Variants in SLC9B2 observed in about 807,000 individuals in gnomAD.
SLC9B2 encodes sodium/hydrogen exchanger 9B2.
A neutral mutation model predicts 52.2 loss-of-function variants in SLC9B2; 39 were observed. The observed-to-expected ratio is 0.75, with a 90% confidence interval of 0.58 to 0.98. SLC9B2 has a LOEUF of 0.98. Ranked by LOEUF, SLC9B2 falls within the 50% of genes least tolerant of loss-of-function variation. The pLI is 0.00. For synonymous variants in SLC9B2, 214 were observed against 227.0 expected (o/e 0.94, Z 0.51); for missense variants, 626 against 637.5 (o/e 0.98, Z 0.19).
At chr4:103,056,451 T>A (rs1277433449) in intron 4 of SLC9B2, among the ~76,000 whole-genome samples, 2 of 152,084 alleles carry the variant, frequency 1.3e-5, no homozygotes, top group Non-Finnish European at 2.9e-5. Flanking sequence ...TTTCACCATG[T>A]TGGCCAGGCT....
chr4:103,055,350 G>T (rs1202906637), intron 4 of SLC9B2, among the ~76,000 whole-genome samples: 1 of 152,042 alleles, frequency 6.6e-6, no homozygotes, highest in African/African-American at 2.4e-5. Flanking sequence ...TAACTAACCT[G>T]CACGTTGTGC....
At chr4:103,022,157 T>A (rs1156415542), downstream of SLC9B2, among the ~76,000 whole-genome samples, 1 of 152,228 alleles carries the variant, frequency 6.6e-6, no homozygotes, top group African/African-American at 2.4e-5. Context: ...TGTTCATCAC[T>A]GTATTCCCTA....
chr4:103,072,985 T>C lies in SLC9B2; in HGVS notation c.-43+3199A>G, dbSNP rs1378565571. Among the ~76,000 whole-genome samples, 35 of 151,960 alleles carry C rather than the reference T, an allele frequency of 2.3e-4. 1 individual carries two copies. Among genetic ancestry groups the C allele is most frequent in the Admixed American group, 2.3e-3 (35 of 15,264 alleles). On this transcript the variant is annotated intron_variant, in intron 1 of 11. Transcript: ENST00000394785. Reference sequence around the variant, plus strand: ...GAGCAGCCTAGTCCCTTTGGCTCTTTCCCTTCCACCATCTGAGAACACAGC... The same window carrying C: ...GAGCAGCCTAGTCCCTTTGGCTCTTCCCCTTCCACCATCTGAGAACACAGC...
chr4:103,054,305 A>G (rs1744940233), intron 4 of SLC9B2, among the ~76,000 whole-genome samples: 1 of 152,168 alleles, frequency 6.6e-6, no homozygotes, highest in East Asian at 1.9e-4. Context: ...ACAACCAATG[A>G]GAGATTCTTA....
chr4:103,047,793 A>G (rs987262760), intron 6 of SLC9B2, among the ~76,000 whole-genome samples: 2 of 152,086 alleles, frequency 1.3e-5, no homozygotes, highest in African/African-American at 4.8e-5. Context: ...CCAGTCTATC[A>G]TTGACAACTA....
intron 1 of SLC9B2, 69 bp from the exon 2 acceptor site, chr4:103,067,661 T>C (rs1383071175): frequency 4.5e-5 from 39 of 861,080 alleles, no homozygotes; most frequent in Non-Finnish European, 2.8e-5. Context: ...CTTTGGATTG[T>C]ACTTATTTTT....
intron 3 of SLC9B2, among the ~76,000 whole-genome samples, chr4:103,060,112 A>C (rs938295568): frequency 6.6e-6 from 1 of 151,632 alleles, no homozygotes; most frequent in Non-Finnish European, 1.5e-5. Flanking sequence ...TGTTTTGCTT[A>C]AGATTTATGT....
At chr4:103,049,254 T>C (rs1315035489) in intron 5 of SLC9B2, among the ~76,000 whole-genome samples, 1 of 152,232 alleles carries the variant, frequency 6.6e-6, no homozygotes, top group South Asian at 2.1e-4. Flanking sequence ...TATTTTTAGA[T>C]GTCCTCATCT....
chr4:103,051,042 T>G lies in SLC9B2; in HGVS notation c.443-660A>C, dbSNP rs546163621. On this transcript the variant is annotated intron_variant, in intron 4 of 11. Transcript: ENST00000394785. The stretch of plus-strand genomic sequence containing the variant: ...AGACAAACGGACAATACCAATTTTA[T>G]GAAGGCATGAGGGGGATGTTACATG... Among the ~76,000 whole-genome samples the G allele has an allele frequency of 6.0e-4, 92 of 152,132 alleles. 1 individual carries two copies. The highest frequency in any genetic ancestry group is 2.1e-3 in the African/African-American group (89 of 41,494).
chr4:103,031,855 CA>C, intron 9 of SLC9B2, 47 bp from the exon 10 acceptor site: 1 of 1,542,642 alleles, frequency 6.5e-7, no homozygotes. Flanking sequence ...TGTGAAGTTA[CA>C]AATGCAAAGA....
At chr4:103,072,053 C>CTTTTTTTTTTTTTTTTTT (rs1578487717) in intron 1 of SLC9B2, among the ~76,000 whole-genome samples, 1 of 71,230 alleles carries the variant, frequency 1.4e-5, no homozygotes, top group African/African-American at 7.5e-5. Context: ...GTTTGGCTTT[C>CTTTTTTTTTTTTTTTTTT]ATGTTTTTTT....
At chr4:103,055,995 G>A (rs184410505) in intron 4 of SLC9B2, among the ~76,000 whole-genome samples, 4 of 151,808 alleles carry the variant, frequency 2.6e-5, no homozygotes, top group Non-Finnish European at 5.9e-5. Context: ...TAGTAGAGAC[G>A]GGATTTTACC....
intron 3 of SLC9B2, among the ~76,000 whole-genome samples, chr4:103,062,614 AT>A (rs1295989790): frequency 6.6e-6 from 1 of 151,918 alleles, no homozygotes; most frequent in Non-Finnish European, 1.5e-5. Flanking sequence ...CACATGTAAG[AT>A]TTACTTTTTT....
At chr4:103,077,112 T>G (rs1313877174), upstream of SLC9B2, 1 of 152,248 alleles carries the variant, frequency 6.6e-6, no homozygotes, top group African/African-American at 2.4e-5. Context: ...TCTCTGTATT[T>G]CCTCTTGTGT....
chr4:103,074,932 T>C (rs1746978433), intron 1 of SLC9B2, among the ~76,000 whole-genome samples: 1 of 152,224 alleles, frequency 6.6e-6, no homozygotes. Context: ...GATTCATTCA[T>C]TCATTCAACA....
downstream of SLC9B2, chr4:103,019,939 A>C: frequency 1.0e-6 from 1 of 987,494 alleles, no homozygotes; most frequent in Middle Eastern, 5.2e-4. Context: ...GCCAAAAAGC[A>C]GTGCTCGGGA....
At chr4:103,048,676 C>T (rs1744386804) in intron 6 of SLC9B2, 1 of 486,166 alleles carries the variant, frequency 2.1e-6, no homozygotes, top group Non-Finnish European at 3.5e-6. Context: ...ACCACGACTT[C>T]TTCAACAGTT....
chr4:103,021,435 T>C (rs1741783874), downstream of SLC9B2, among the ~76,000 whole-genome samples: 1 of 152,090 alleles, frequency 6.6e-6, no homozygotes, highest in South Asian at 2.1e-4. Context: ...TCTGAGACAT[T>C]AAAAAAATAC....
chr4:103,026,133 G>T lies in SLC9B2; in HGVS notation c.*237C>A. On this transcript the variant is annotated 3_prime_UTR_variant, in exon 12 of 12. Transcript: ENST00000394785. The stretch of plus-strand genomic sequence containing the variant: ...TACATTAAAGTAGATATGTCCTTAT[G>T]CAAATTAAGATGGATGATGAAGGGG... 1 of 406,990 alleles carries T rather than the reference G, an allele frequency of 2.5e-6. No homozygotes were observed. Among genetic ancestry groups the T allele is most frequent in the Non-Finnish European group, 4.4e-6 (1 of 226,516 alleles). 25.2% of individuals were successfully genotyped at this position (406,990 alleles called of 1,614,324 possible).
Sources: gnomAD v4.1 joint callset for allele counts (sites outside exome capture counted in the v4.1 genomes callset) on GRCh38, gnomAD v4.1.1 for gene constraint, MANE v1.5 for transcripts, NCBI Gene and HGNC (gene_info 2026-07-23, HGNC 2026-07-21) for gene names.